The following ADGRG4 variants were observed in gnomAD, a reference collection of about 807,000 sequenced individuals.
The protein encoded by ADGRG4 is adhesion G protein-coupled receptor G4, also known as G protein-coupled receptor 112.
A neutral mutation model predicts 126.2 loss-of-function variants in ADGRG4; 122 were observed. The observed-to-expected ratio is 0.97, with a 90% CI of 0.83 to 1.12. The LOEUF (loss-of-function observed/expected upper bound fraction) is 1.12, where lower values mean the gene tolerates loss of function less well. ADGRG4 is among the 50% of genes most tolerant of loss of function. The probability of loss-of-function intolerance (pLI) is 0.00; values close to 1 mark genes in which losing one functional copy is unlikely to be tolerated. For missense variants in ADGRG4, 2,481 were observed against 2,251.8 expected, an observed-to-expected ratio of 1.10 and a Z score of -2.06; for synonymous variants, 943 against 838.7, an observed-to-expected ratio of 1.12 and a Z score of -2.15.
At chrX:136,318,989 G>A (rs1316443922) in intron 4 of ADGRG4, among the ~76,000 whole-genome samples, 2 of 112,624 alleles carry the variant, frequency 1.8e-5, no homozygotes, top group South Asian at 3.6e-4. Context: ...GAGAGAACAC[G>A]CTTCAGGGGA....
At chrX:136,390,794 C>T (rs1421363593) in intron 16 of ADGRG4, among the ~76,000 whole-genome samples, 3 of 110,894 alleles carry the variant, frequency 2.7e-5, no homozygotes, top group Admixed American at 1.9e-4. Flanking sequence ...TAGTGTGTGT[C>T]TCCTCCTTTG....
chrX:136,345,689 C>T lies in ADGRG4; in HGVS notation c.1983C>T (p.Asp661=). 4.1e-6 allele frequency: 5 copies of T among 1,211,129 alleles called. No homozygotes were observed. Among genetic ancestry groups the T allele is most frequent in the Non-Finnish European group, 5.6e-6 (5 of 894,947 alleles). The change falls in exon 6 of 26, where the codon GAC becomes GAT. Residue 661 remains aspartate, a synonymous_variant. Transcript: ENST00000394143. ...AGACCATTTGGACTTCTAGGCCAGA[C>T]CAGGCCCTGCTGGCATCTATGAACA... The part of the protein sequence containing the change: ...SNETIWTSRP[D]QALLASMNTT...
At chrX:136,387,895 A>G (rs2075300654) in intron 16 of ADGRG4, 21 bp downstream of exon 16, 1 of 1,168,060 alleles carries the variant, frequency 8.6e-7, no homozygotes, top group Non-Finnish European at 1.2e-6. Context: ...GCCTGTGGTA[A>G]CTGTGATGAA....
At chrX:136,372,820 T>C in intron 14 of ADGRG4, 82 bp from the exon 15 acceptor site, 1 of 952,495 alleles carries the variant, frequency 1.0e-6, no homozygotes, top group Non-Finnish European at 1.5e-6. Flanking sequence ...AAGAAAAGTC[T>C]TGCAATAAGG....
chrX:136,366,410 T>G (rs994194328), intron 13 of ADGRG4, among the ~76,000 whole-genome samples: 1 of 112,509 alleles, frequency 8.9e-6, no homozygotes, highest in Non-Finnish European at 1.9e-5. Flanking sequence ...ATTGTCTGGA[T>G]GTACCACAGT....
intron 5 of ADGRG4, among the ~76,000 whole-genome samples, chrX:136,327,957 T>TA (rs1267652297): frequency 1.8e-5 from 2 of 111,538 alleles, no homozygotes; most frequent in Non-Finnish European, 3.8e-5. Flanking sequence ...TTCAATCTTT[T>TA]ACTCTATGTG....
rs372757170 is a variant in ADGRG4 at position 136,393,558 on chromosome X, C to G, written c.8058C>G (p.Ala2686=). The part of the protein sequence containing the change: ...GNQNYGQVHC[A]FWDFENNNGL... ...AGAATTATGGTCAAGTTCACTGTGC[C>G]TTTTGGGATTTTGAGAATAATAGTA... The change falls in exon 18 of 26, where the codon GCC becomes GCG. Residue 2686 remains alanine (A), a synonymous_variant. Transcript: ENST00000394143. The G allele has an allele frequency of 4.6e-5, 55 of 1,202,233 alleles. 1 individual carries two copies. In the African/African-American group the frequency reaches 8.3e-4, roughly 18 times the overall value.
intron 25 of ADGRG4, among the ~76,000 whole-genome samples, chrX:136,414,631 A>G (rs1043953351): frequency 3.5e-5 from 4 of 112,691 alleles, no homozygotes; most frequent in African/African-American, 1.3e-4. Context: ...ATTGTCACAG[A>G]CCATTAAAAC....
chrX:136,392,814 AATGACT>A (rs747190664), intron 17 of ADGRG4, among the ~76,000 whole-genome samples: 27 of 112,206 alleles, frequency 2.4e-4, no homozygotes, highest in Non-Finnish European at 4.9e-4. Flanking sequence ...TACAAGTATG[AATGACT>A]ATTCCATTAT....
At position 136,395,501 on chromosome X, in the gene ADGRG4, G is replaced by T. The variant is rs371429975; in HGVS notation, c.8184+8G>T. 23 of 1,003,974 alleles carry T rather than the reference G, an allele frequency of 2.3e-5. No individual in the cohort carries two copies. The highest frequency in any genetic ancestry group is 2.9e-5 in the Non-Finnish European group (21 of 713,935). The allele number at this position is 1,003,974 out of a possible 1,213,427, so 82.7% of individuals were successfully genotyped here. ...CATTTTGGAGTCTTAATGGTGAGTT[G>T]TCTCTTAGTCACTCCTCGATGGAAG... On this transcript the variant is annotated splice_region_variant and intron_variant, in intron 19 of 25. Coordinates refer to ENST00000394143, the MANE Select transcript of ADGRG4 (RefSeq NM_153834.4).
chrX:136,345,358 A>G lies in ADGRG4; in HGVS notation c.1652A>G (p.Glu551Gly), dbSNP rs2075007772. ...GCCATGTCTACTTCCATGTCGAAAG[A>G]GACCTCCTCTAAGACCTTTTCTTTC... ...EDAMSTSMSK[E>G]TSSKTFSFLT... Residue 551 changes from glutamate to glycine, a missense_variant, in exon 6 of 26, where the codon GAG (glutamate) becomes GGG (glycine). Coordinates refer to ENST00000394143, the MANE Select transcript of ADGRG4 (RefSeq NM_153834.4). The G allele has an allele frequency of 8.3e-7, 1 of 1,211,001 alleles. No individual in the cohort carries two copies. Among genetic ancestry groups the G allele is most frequent in the South Asian group, 1.8e-5 (1 of 56,948 alleles).
intron 4 of ADGRG4, among the ~76,000 whole-genome samples, chrX:136,321,403 A>C (rs1465108564): frequency 9.0e-6 from 1 of 111,191 alleles, no homozygotes; most frequent in Non-Finnish European, 1.9e-5. Context: ...ATGGAGGGAG[A>C]GAATACTATA....
chrX:136,385,188 A>G (rs600826), intron 15 of ADGRG4, among the ~76,000 whole-genome samples: 41,717 of 109,914 alleles, frequency 0.38, 5,985 homozygotes, highest in African/African-American at 0.42. Flanking sequence ...TGTTGTTTTC[A>G]TGTTACTATT....
chrX:136,333,554 G>A (rs769804148), intron 5 of ADGRG4, among the ~76,000 whole-genome samples: 63 of 111,726 alleles, frequency 5.6e-4, no homozygotes, highest in African/African-American at 2.0e-3. Context: ...GTCTTGCTCT[G>A]TTGCCCAGGC....
At chrX:136,304,643 T>C (rs1221335273) in intron 2 of ADGRG4, among the ~76,000 whole-genome samples, 1 of 112,037 alleles carries the variant, frequency 8.9e-6, no homozygotes, top group East Asian at 2.8e-4. Context: ...TACACTCTAG[T>C]AGGGGAGAAA....
At chrX:136,411,842 G>A (rs1415608752) in intron 23 of ADGRG4, among the ~76,000 whole-genome samples, 1 of 112,659 alleles carries the variant, frequency 8.9e-6, no homozygotes, top group Non-Finnish European at 1.9e-5. Flanking sequence ...ATGTCCTCAG[G>A]ACAAAATACT....
intron 15 of ADGRG4, among the ~76,000 whole-genome samples, chrX:136,377,167 C>CTTTTT (rs1184343263): frequency 0.018 from 872 of 48,510 alleles, 2 homozygotes; most frequent in Middle Eastern, 0.025. Context: ...GTTTTCTTTC[C>CTTTTT]TTTTTTTTTT....
rs752684929 is a variant in ADGRG4, at chrX:136,323,161, C to A, written c.454C>A (p.Leu152Met). The A allele has an allele frequency of 1.7e-6, 2 of 1,209,834 alleles. No individual in the cohort carries two copies. The highest frequency in any genetic ancestry group is 2.2e-5 in the Admixed American group (1 of 45,729). ...ILEVTDQPHN[L>M]TPHGTLFLGH... The stretch of plus-strand genomic sequence containing the variant: ...GGAAGTAACGGATCAACCACACAAC[C>A]TGACACCTCATGGGACTCTGTTCCT... The change falls in exon 5 of 26, where the codon CTG becomes ATG. Residue 152 changes from leucine (L) to methionine (M), a missense_variant. Physicochemically the swap from Leu to Met is conservative, Grantham distance 15 (BLOSUM62 2). Coordinates refer to ENST00000394143, the MANE Select transcript of ADGRG4 (RefSeq NM_153834.4).
chrX:136,378,704 A>G (rs1212287218), intron 15 of ADGRG4, among the ~76,000 whole-genome samples: 1 of 111,646 alleles, frequency 9.0e-6, no homozygotes, highest in Non-Finnish European at 1.9e-5. Flanking sequence ...TTTATCACAA[A>G]TTGTTGTTGA....
Sources: gnomAD v4.1 joint callset for allele counts (sites outside exome capture counted in the v4.1 genomes callset) on GRCh38, gnomAD v4.1.1 for gene constraint, MANE v1.5 for transcripts, NCBI Gene and HGNC (gene_info 2026-07-23, HGNC 2026-07-21) for gene names.